TMEM178B: variants seen among roughly 807,000 people sequenced by gnomAD.
TMEM178B encodes transmembrane protein 178B.
In TMEM178B, 5 loss-of-function variants were observed where a neutral mutation model predicts 31.0. The observed-to-expected ratio is 0.16, with a 90% confidence interval of 0.08 to 0.34. TMEM178B has a LOEUF of 0.34. Ranked by LOEUF, TMEM178B falls within the 10% of genes least tolerant of loss-of-function variation. TMEM178B has a pLI of 1.00. For missense variants in TMEM178B, 275 were observed against 400.3 expected (o/e 0.69, Z 2.67); for synonymous variants, 164 against 164.0 (o/e 1.00, Z 0.00).
intron 1 of TMEM178B, among the ~76,000 whole-genome samples, chr7:141,188,462 C>T (rs914798622): frequency 3.9e-5 from 6 of 152,136 alleles, no homozygotes; most frequent in African/African-American, 4.8e-5. Flanking sequence ...ACTCAACTTG[C>T]GTAACTGCTC....
At chr7:141,423,712 T>C (rs908447517) in intron 2 of TMEM178B, among the ~76,000 whole-genome samples, 2 of 152,186 alleles carry the variant, frequency 1.3e-5, no homozygotes, top group African/African-American at 4.8e-5. Flanking sequence ...CATGCTGTCA[T>C]GCTGTTCAAA....
intron 2 of TMEM178B, among the ~76,000 whole-genome samples, chr7:141,337,905 T>G (rs1252894202): frequency 6.6e-6 from 1 of 152,026 alleles, no homozygotes; most frequent in African/African-American, 2.4e-5. Context: ...TGACACAATC[T>G]CGGCTCACTG....
At chr7:141,254,124 G>A (rs1385588730) in intron 2 of TMEM178B, among the ~76,000 whole-genome samples, 1 of 152,198 alleles carries the variant, frequency 6.6e-6, no homozygotes, top group Non-Finnish European at 1.5e-5. Flanking sequence ...CGGTGGAAAG[G>A]AAGGACATTT....
intron 3 of TMEM178B, among the ~76,000 whole-genome samples, chr7:141,443,789 ATTC>A (rs1393372104): frequency 6.6e-6 from 1 of 152,114 alleles, no homozygotes; most frequent in Non-Finnish European, 1.5e-5. Flanking sequence ...CTAATTTGGA[ATTC>A]TTCTGCGTGG....
rs572130525 is a variant in TMEM178B, at chr7:141,275,307, A to G, written c.496+62603A>G. ...CAAGTGTAGTACCTCTCCTAAGAAA[A>G]GACAAAATCAAAGTCATATTTGAGT... On this transcript the variant is annotated intron_variant, in intron 2 of 3. Coordinates refer to ENST00000565468, the MANE Select transcript of TMEM178B (RefSeq NM_001195278.2). 2.6e-5 allele frequency among the ~76,000 whole-genome samples: 4 copies of G among 152,314 alleles called. No homozygotes were observed. In the South Asian group the frequency reaches 8.3e-4, roughly 32 times the overall value.
chr7:141,443,953 C>G (rs1214056487), intron 3 of TMEM178B, among the ~76,000 whole-genome samples: 14 of 152,166 alleles, frequency 9.2e-5, no homozygotes, highest in Non-Finnish European at 2.1e-4. Context: ...ATTGGGAGAG[C>G]TTTCTGTTGG....
At chr7:141,176,307 C>A (rs1447601661) in intron 1 of TMEM178B, among the ~76,000 whole-genome samples, 1 of 152,194 alleles carries the variant, frequency 6.6e-6, no homozygotes, top group Non-Finnish European at 1.5e-5. Flanking sequence ...AGGGATGAAG[C>A]TGACTTGATC....
In TMEM178B at chr7:141,220,359, T is replaced by TAATAAA. The variant is rs1301318250; in HGVS notation, c.496+7657_496+7658insTAAAAA. On this transcript the variant is annotated intron_variant, in intron 2 of 3. Coordinates refer to ENST00000565468, the MANE Select transcript of TMEM178B (RefSeq NM_001195278.2). ...ATAATAATAATAATAATAATAATAA[T>TAATAAA]AAAATAATAAATGCATGTGCATGTA... is the stretch of plus-strand genomic sequence containing the variant. 2.8e-5 allele frequency among the ~76,000 whole-genome samples: 3 copies of TAATAAA among 107,656 alleles called. No individual in the cohort carries two copies. In the Admixed American group the frequency reaches 2.8e-4, roughly 10 times the overall value. 70.6% of individuals were successfully genotyped at this position (107,656 alleles called of 152,430 possible).
chr7:141,219,857 C>T (rs1797226358), intron 2 of TMEM178B, among the ~76,000 whole-genome samples: 1 of 152,170 alleles, frequency 6.6e-6, no homozygotes, highest in South Asian at 2.1e-4. Context: ...TGTCCCATTC[C>T]CTCAGGTTTC....
intron 1 of TMEM178B, among the ~76,000 whole-genome samples, chr7:141,097,744 C>T (rs1794987958): frequency 2.0e-5 from 3 of 151,576 alleles, no homozygotes; most frequent in African/African-American, 7.3e-5. Context: ...TATTTTTCTC[C>T]TTCAACAAAT....
rs527501140 is a variant in TMEM178B, at chr7:141,261,834, A to G, written c.496+49130A>G. On this transcript the variant is annotated intron_variant, in intron 2 of 3. Transcript: ENST00000565468. ...CATGCATCTGTCTTATCTACCAACA[A>G]ACAGTAAGGGAAATTACTCATTTTG... Among the ~76,000 whole-genome samples, 96 of 152,270 alleles carry G rather than the reference A, an allele frequency of 6.3e-4. 1 individual carries two copies. In the South Asian group the frequency reaches 0.017, roughly 27 times the overall value.
At chr7:141,339,739 G>C (rs575528267) in intron 2 of TMEM178B, among the ~76,000 whole-genome samples, 1 of 152,152 alleles carries the variant, frequency 6.6e-6, no homozygotes. Context: ...AGGCAGTGGA[G>C]AGCACCTGTC....
chr7:141,428,113 AT>A (rs1183903289), intron 2 of TMEM178B, among the ~76,000 whole-genome samples: 1 of 152,146 alleles, frequency 6.6e-6, no homozygotes, highest in East Asian at 1.9e-4. Flanking sequence ...TAAAATAATA[AT>A]TGGTCATAGC....
chr7:141,208,496 GAC>G (rs1008287370), intron 1 of TMEM178B, among the ~76,000 whole-genome samples: 2 of 152,238 alleles, frequency 1.3e-5, no homozygotes, highest in African/African-American at 4.8e-5. Flanking sequence ...AGGACCTGCA[GAC>G]ACATGGATAA....
At chr7:141,084,720 G>A (rs561585723) in intron 1 of TMEM178B, among the ~76,000 whole-genome samples, 19 of 152,242 alleles carry the variant, frequency 1.2e-4, no homozygotes, top group Non-Finnish European at 2.2e-4. Context: ...TTGTCCCCCA[G>A]ATGCCTGTCC....
the TMEM178B span, among the ~76,000 whole-genome samples, chr7:141,492,710 C>T: frequency 4.6e-5 from 7 of 152,284 alleles, no homozygotes; most frequent in South Asian, 4.1e-4. Context: ...CTAGAAACAA[C>T]GAGCACATCA....
intron 1 of TMEM178B, among the ~76,000 whole-genome samples, chr7:141,117,626 G>GT (rs1447595876): frequency 2.2e-4 from 34 of 152,152 alleles, no homozygotes; most frequent in Admixed American, 1.2e-3. Flanking sequence ...TTCTTCTAGG[G>GT]TTTTTTATGG....
At chr7:141,121,466 T>C (rs1795406098) in intron 1 of TMEM178B, among the ~76,000 whole-genome samples, 1 of 152,216 alleles carries the variant, frequency 6.6e-6, no homozygotes, top group Non-Finnish European at 1.5e-5. Context: ...TCAATTATCC[T>C]AGGCTTTAAT....
chr7:141,495,798 G>T, the TMEM178B span, among the ~76,000 whole-genome samples: 81 of 152,254 alleles, frequency 5.3e-4, no homozygotes, highest in African/African-American at 1.8e-3. Context: ...TAACCATTAA[G>T]CAAAAAACAC....
Sources: gnomAD v4.1 joint callset for allele counts (sites outside exome capture counted in the v4.1 genomes callset) on GRCh38, gnomAD v4.1.1 for gene constraint, MANE v1.5 for transcripts, NCBI Gene and HGNC (gene_info 2026-07-23, HGNC 2026-07-21) for gene names.